Variants in CASP8 observed in about 807,000 individuals in gnomAD.
The protein encoded by CASP8 is caspase 8.
Under a neutral mutation model 46.3 loss-of-function variants are expected in CASP8, and 24 were observed. That is an observed-to-expected ratio of 0.52 (90% CI 0.38 to 0.73). The LOEUF (loss-of-function observed/expected upper bound fraction) is 0.73. Ranked by LOEUF, CASP8 falls within the 30% of genes least tolerant of loss-of-function variation. The probability of loss-of-function intolerance (pLI) is 0.00; values close to 1 mark genes in which losing one functional copy is unlikely to be tolerated. For synonymous variants in CASP8, 188 were observed against 200.4 expected (o/e 0.94, Z 0.52); for missense variants, 460 against 559.0 (o/e 0.82, Z 1.79).
intron 7 of CASP8, among the ~76,000 whole-genome samples, chr2:201,279,671 A>AGAGGT (rs1948872398): frequency 6.6e-6 from 1 of 152,240 alleles, no homozygotes; most frequent in Non-Finnish European, 1.5e-5. Flanking sequence ...AATACGAAAG[A>AGAGGT]GAGGTAGCTT....
chr2:201,275,454 T>C (rs1294683426), intron 6 of CASP8, among the ~76,000 whole-genome samples: 2 of 152,236 alleles, frequency 1.3e-5, no homozygotes, highest in Non-Finnish European at 2.9e-5. Flanking sequence ...TAATAACTTC[T>C]CTTTATGTAA....
At chr2:201,251,085 A>G (rs1003563613) in intron 2 of CASP8, among the ~76,000 whole-genome samples, 1 of 152,192 alleles carries the variant, frequency 6.6e-6, no homozygotes, top group African/African-American at 2.4e-5. Context: ...GTGGTTTGAT[A>G]GCTCATTTCT....
chr2:201,244,067 C>G (rs1946409589), intron 2 of CASP8, among the ~76,000 whole-genome samples: 1 of 152,180 alleles, frequency 6.6e-6, no homozygotes, highest in African/African-American at 2.4e-5. Context: ...CATAGGCTAC[C>G]CCATCATGGA....
At chr2:201,248,598 C>T (rs114034509) in intron 2 of CASP8, among the ~76,000 whole-genome samples, 23 of 152,202 alleles carry the variant, frequency 1.5e-4, no homozygotes, top group Non-Finnish European at 2.4e-4. Flanking sequence ...TTCTAGTGGC[C>T]GCTCTTTTTG....
intron 2 of CASP8, among the ~76,000 whole-genome samples, chr2:201,243,094 C>T (rs1303322060): frequency 6.6e-6 from 1 of 151,994 alleles, no homozygotes; most frequent in Non-Finnish European, 1.5e-5. Context: ...AAATGAGTTG[C>T]CTGTCAACAA....
At chr2:201,258,178 G>T, upstream of CASP8, 1 of 1,586,180 alleles carries the variant, frequency 6.3e-7, no homozygotes, top group Non-Finnish European at 8.7e-7. Context: ...TATCTTTTGT[G>T]TTTTTTTTCA....
intron 2 of CASP8, among the ~76,000 whole-genome samples, chr2:201,252,240 CTTTGTATATT>C (rs1171939287): frequency 2.6e-5 from 4 of 151,818 alleles, no homozygotes; most frequent in Non-Finnish European, 5.9e-5. Context: ...GTCAAGAGTT[CTTTGTATATT>C]TTTGGATAAC....
chr2:201,269,601 A>G lies in CASP8; in HGVS notation c.306-1915A>G, dbSNP rs761301334. On this transcript the variant is annotated intron_variant, in intron 2 of 8. Transcript: ENST00000673742. ...CTGGCGGAGGGTCGATCATCTATTAATAAGGCAGGATCTCTCTTAAAATCT... is the reference window on the plus strand; with the variant it reads ...CTGGCGGAGGGTCGATCATCTATTAGTAAGGCAGGATCTCTCTTAAAATCT... The G allele has an allele frequency of 9.3e-6, 15 of 1,608,744 alleles. No homozygotes were observed. The highest frequency in any genetic ancestry group is 1.3e-5 in the Non-Finnish European group (15 of 1,175,898).
intron 2 of CASP8, among the ~76,000 whole-genome samples, chr2:201,234,891 C>G (rs1417566552): frequency 6.6e-6 from 1 of 152,190 alleles, no homozygotes; most frequent in Non-Finnish European, 1.5e-5. Flanking sequence ...TGAATTTACT[C>G]TGCATGCCAG....
rs1307811176 is a variant in CASP8, at chr2:201,266,030, A to G, written c.-26-431A>G. On this transcript the variant is annotated intron_variant, in intron 1 of 8. Transcript: ENST00000673742. This position sits in a 1 kb window ranked among gnomAD's most constrained non-coding sequence, Gnocchi z 5.7. Reference sequence around the variant, plus strand: ...AGTCTTGCCCTGTCACCCAGGCTGGAGTGCAGTGGTGCAATCTCCGCTCAC... The same window carrying G: ...AGTCTTGCCCTGTCACCCAGGCTGGGGTGCAGTGGTGCAATCTCCGCTCAC... 8.1e-5 allele frequency among the ~76,000 whole-genome samples: 12 copies of G among 147,262 alleles called. No homozygotes were observed. The East Asian group carries it at 1.2e-3, about 15-fold the overall frequency.
chr2:201,281,519 C>A (rs952527495), intron 7 of CASP8, among the ~76,000 whole-genome samples: 3 of 152,034 alleles, frequency 2.0e-5, no homozygotes, highest in African/African-American at 7.3e-5. Flanking sequence ...AAGTGGTTGC[C>A]TTCATGGAAT....
intron 2 of CASP8, among the ~76,000 whole-genome samples, chr2:201,251,387 T>C (rs1415240826): frequency 6.8e-6 from 1 of 147,586 alleles, no homozygotes; most frequent in Non-Finnish European, 1.5e-5. Flanking sequence ...AGATCAGCAG[T>C]TTAAGACCAG....
chr2:201,257,042 G>A (rs1373588077), upstream of CASP8, among the ~76,000 whole-genome samples: 3 of 152,174 alleles, frequency 2.0e-5, no homozygotes, highest in African/African-American at 7.2e-5. Context: ...CTACCCAGGA[G>A]GCTGAGGCAG....
At position 201,272,960 on chromosome 2, in the gene CASP8, AT is replaced by A. The variant is rs755848044; in HGVS notation, c.595+22del. The A allele has an allele frequency of 7.5e-6, 12 of 1,609,502 alleles. 1 individual carries two copies. Among genetic ancestry groups the A allele is most frequent in the Non-Finnish European group, 7.6e-6 (9 of 1,176,502 alleles). ...TTCAAATGGTAATGCTTGGAGATACATTTTCAAGATTTAGTTAATTTACTAT... is the reference window on the plus strand; with the variant it reads ...TTCAAATGGTAATGCTTGGAGATACATTTCAAGATTTAGTTAATTTACTAT... On this transcript the variant is annotated intron_variant, in intron 5 of 8. Transcript: ENST00000673742. This position sits in a 1 kb window ranked among gnomAD's most constrained non-coding sequence, Gnocchi z 4.4.
chr2:201,245,585 A>G (rs1017350841), intron 2 of CASP8, among the ~76,000 whole-genome samples: 2 of 152,108 alleles, frequency 1.3e-5, no homozygotes, highest in Non-Finnish European at 2.9e-5. Flanking sequence ...AAAGCTAGAA[A>G]TCTGAGTCTG....
upstream of CASP8, chr2:201,258,358 A>G (rs1273110044): frequency 1.2e-6 from 2 of 1,613,832 alleles, no homozygotes; most frequent in Non-Finnish European, 8.5e-7. Context: ...GGAGACTGCG[A>G]TGGTGCCAGG....
In CASP8 at chr2:201,284,963, A is replaced by C. The variant is rs1220285887; in HGVS notation, c.950A>C (p.His317Pro). 3.1e-6 allele frequency: 5 copies of C among 1,614,108 alleles called. No homozygotes were observed. Among genetic ancestry groups the C allele is most frequent in the African/African-American group, 1.3e-5 (1 of 75,018 alleles). ...TGCTTCATCTGCTGTATCCTCTCCC[A>C]TGGAGACAAGGGCATCATCTATGGC... is the stretch of plus-strand genomic sequence containing the variant. ...MDCFICCILS[H>P]GDKGIIYGTD... Residue 317 changes from histidine (H) to proline (P), a missense_variant, in exon 8 of 9, where the codon CAT becomes CCT. By Grantham distance (77) the His-to-Pro change is moderately conservative. Coordinates refer to ENST00000673742, the MANE Select transcript of CASP8 (RefSeq NM_001372051.1).
chr2:201,259,031 A>G (rs896813446), upstream of CASP8, among the ~76,000 whole-genome samples: 1 of 152,200 alleles, frequency 6.6e-6, no homozygotes, highest in African/African-American at 2.4e-5. Context: ...CTCATCATTA[A>G]ATGATTAATA....
chr2:201,268,095 T>G (rs1042484123), intron 2 of CASP8, among the ~76,000 whole-genome samples: 1 of 151,866 alleles, frequency 6.6e-6, no homozygotes, highest in Non-Finnish European at 1.5e-5. Flanking sequence ...CCCAGCTAAT[T>G]TTGTATTTTT....
Sources: gnomAD v4.1 joint callset for allele counts (sites outside exome capture counted in the v4.1 genomes callset) on GRCh38, gnomAD v4.1.1 for gene constraint, Gnocchi (gnomAD v3.1) non-coding constraint, MANE v1.5 for transcripts, NCBI Gene and HGNC (gene_info 2026-07-23, HGNC 2026-07-21) for gene names.